Variants in ATP5F1C observed in about 807,000 individuals in gnomAD.
ATP5F1C encodes the protein ATP synthase F1 subunit gamma, also known as ATP synthase F(1) complex subunit gamma, mitochondrial.
ATP5F1C carries 22 observed loss-of-function variants against 37.4 expected under a neutral mutation model. That is an observed-to-expected ratio of 0.59 (90% CI 0.42 to 0.84). The LOEUF (loss-of-function observed/expected upper bound fraction) is 0.84. ATP5F1C is among the 40% of genes least tolerant of loss of function. The pLI is 0.00. For missense variants in ATP5F1C, 286 were observed against 362.4 expected (o/e 0.79, Z 1.71); for synonymous variants, 121 against 128.0 (o/e 0.95, Z 0.37).
rs1469800527 is a variant in ATP5F1C, at chr10:7,788,273, C to T, written c.56+10C>T. ...CCTTGCAGCCGCAATGGTATGGCAG[C>T]TTGCGGGAAGATCGGCAGGACCGCA... is the stretch of plus-strand genomic sequence containing the variant. On this transcript the variant is annotated intron_variant, in intron 1 of 9. Coordinates refer to ENST00000356708, the MANE Select transcript of ATP5F1C (RefSeq NM_001001973.3). The T allele has an allele frequency of 3.7e-6, 6 of 1,612,818 alleles. No individual in the cohort carries two copies. The South Asian group carries it at 6.6e-5, about 18-fold the overall frequency.
At chr10:7,799,364 G>T (rs1423628545) in intron 4 of ATP5F1C, 170 bp downstream of exon 4, 19 of 624,864 alleles carry the variant, frequency 3.0e-5, no homozygotes, top group African/African-American at 3.7e-5. Flanking sequence ...TTTTTTCCAG[G>T]ATATATTGGA....
At chr10:7,805,687 C>T (rs1412719636) in intron 8 of ATP5F1C, among the ~76,000 whole-genome samples, 4 of 133,490 alleles carry the variant, frequency 3.0e-5, no homozygotes, top group South Asian at 2.3e-4. Flanking sequence ...GCGGAGCTTG[C>T]AGTGAGCCGA....
intron 9 of ATP5F1C, 138 bp from the exon 10 acceptor site, chr10:7,807,521 A>G: frequency 1.0e-6 from 1 of 991,714 alleles, no homozygotes; most frequent in South Asian, 2.6e-5. Context: ...AAATTTTAGA[A>G]TCACTGGTAT....
At chr10:7,792,542 C>T (rs1836179185) in intron 1 of ATP5F1C, among the ~76,000 whole-genome samples, 1 of 152,224 alleles carries the variant, frequency 6.6e-6, no homozygotes. Flanking sequence ...CTGACAACCA[C>T]TTCTCTCAAC....
intron 1 of ATP5F1C, among the ~76,000 whole-genome samples, chr10:7,795,402 CA>C (rs1243189736): frequency 5.3e-5 from 8 of 152,130 alleles, no homozygotes; most frequent in Admixed American, 2.0e-4. Context: ...TGTCTTCCCC[CA>C]TTAGGCCAGG....
intron 7 of ATP5F1C, 125 bp downstream of exon 7, chr10:7,802,550 G>T: frequency 1.6e-6 from 2 of 1,236,496 alleles, no homozygotes; most frequent in Non-Finnish European, 2.3e-6. Context: ...GTACCTGTAA[G>T]AAAGTATATC....
intron 7 of ATP5F1C, 138 bp downstream of exon 7, chr10:7,802,563 G>A: frequency 8.6e-7 from 1 of 1,158,848 alleles, no homozygotes; most frequent in African/African-American, 1.6e-5. Flanking sequence ...AGTATATCTT[G>A]ATAGGTAGTT....
At chr10:7,799,659 C>T (rs987359820) in intron 4 of ATP5F1C, 113 bp from the exon 5 acceptor site, 3 of 1,240,886 alleles carry the variant, frequency 2.4e-6, no homozygotes, top group Non-Finnish European at 3.4e-6. Context: ...CACCACCACC[C>T]ATACCCCAAA....
At chr10:7,795,906 C>G (rs1836229786) in intron 1 of ATP5F1C, among the ~76,000 whole-genome samples, 1 of 152,170 alleles carries the variant, frequency 6.6e-6, no homozygotes, top group African/African-American at 2.4e-5. Context: ...GTGGTACAGA[C>G]AGGCCAAATA....
Position 7,807,707 on chromosome 10 carries a change from G to A in ATP5F1C, c.*79G>A. Reference sequence around the variant, plus strand: ...TTGATTTTGTTTTTAGCTTACTGCTGCCTTTGTCCGAAGAAACTGTTCCTC... The same window carrying A: ...TTGATTTTGTTTTTAGCTTACTGCTACCTTTGTCCGAAGAAACTGTTCCTC... On this transcript the variant is annotated 3_prime_UTR_variant, in exon 10 of 10. Transcript: ENST00000356708. 1 of 1,595,422 alleles carries A rather than the reference G, an allele frequency of 6.3e-7. No individual in the cohort carries two copies. The highest frequency in any genetic ancestry group is 8.6e-7 in the Non-Finnish European group (1 of 1,169,192).
At position 7,796,143 on chromosome 10, in the gene ATP5F1C, A is replaced by G. The variant is rs199602842; in HGVS notation, c.79A>G (p.Thr27Ala). Residue 27 changes from threonine (T) to alanine (A), a missense_variant, in exon 2 of 10, where the codon ACT becomes GCT. By Grantham distance (58) the Thr-to-Ala change is moderately conservative. Coordinates refer to ENST00000356708, the MANE Select transcript of ATP5F1C (RefSeq NM_001001973.3). ...CAGGATTCAAGTTCGAAATATGGCA[A>G]CTTTGAAAGATAGTAAGTATGTTGT... The part of the protein sequence containing the change: ...PQWIQVRNMA[T>A]LKDITRRLKS... 1.9e-5 allele frequency: 30 copies of G among 1,588,172 alleles called. No individual in the cohort carries two copies. In the East Asian group the frequency reaches 5.4e-4, roughly 29 times the overall value.
At chr10:7,804,745 C>T (rs1453752272) in intron 8 of ATP5F1C, among the ~76,000 whole-genome samples, 1 of 152,184 alleles carries the variant, frequency 6.6e-6, no homozygotes, top group Non-Finnish European at 1.5e-5. Flanking sequence ...GTACATACCT[C>T]CTTCGTGAAT....
chr10:7,796,587 C>CTT (rs144682242), intron 2 of ATP5F1C: 13,113 of 144,656 alleles, frequency 0.091, 779 homozygotes, highest in Middle Eastern at 0.11. Flanking sequence ...AGTACTATTT[C>CTT]TATTTTTTTT....
chr10:7,806,333 C>T (rs554218155), intron 8 of ATP5F1C, among the ~76,000 whole-genome samples: 62 of 152,276 alleles, frequency 4.1e-4, no homozygotes, highest in African/African-American at 1.4e-3. Context: ...CCATAGTATT[C>T]GAGGTCCAAG....
chr10:7,788,897 G>C (rs1836105615), intron 1 of ATP5F1C, among the ~76,000 whole-genome samples: 1 of 151,746 alleles, frequency 6.6e-6, no homozygotes, highest in Admixed American at 6.6e-5. Context: ...GGGAAGGGAA[G>C]GACACCTAGC....
At chr10:7,798,951 T>C (rs769602799) in intron 3 of ATP5F1C, 39 bp from the exon 4 acceptor site, 1 of 1,547,916 alleles carries the variant, frequency 6.5e-7, no homozygotes, top group South Asian at 1.1e-5. Context: ...ATTTAGTGTA[T>C]TGCATATAAA....
In ATP5F1C at chr10:7,788,239, C is replaced by T. The variant is rs781316226; in HGVS notation, c.32C>T (p.Ser11Leu). Residue 11 changes from serine to leucine, a missense_variant, in exon 1 of 10, where the codon TCG (serine) becomes TTG (leucine). By Grantham distance (145) the Ser-to-Leu change is moderately radical. Coordinates refer to ENST00000356708, the MANE Select transcript of ATP5F1C (RefSeq NM_001001973.3). The part of the protein sequence containing the change: MFSRAGVAGL[S>L]AWTLQPQWIQ... Reference sequence around the variant, plus strand: ...TCTCGCGCGGGTGTCGCTGGGCTGTCGGCCTGGACCTTGCAGCCGCAATGG... The same window carrying T: ...TCTCGCGCGGGTGTCGCTGGGCTGTTGGCCTGGACCTTGCAGCCGCAATGG... 11 of 1,613,454 alleles carry T rather than the reference C, an allele frequency of 6.8e-6. No homozygotes were observed. The highest frequency in any genetic ancestry group is 2.2e-5 in the East Asian group (1 of 44,888).
chr10:7,799,700 C>T (rs536706688), intron 4 of ATP5F1C, 72 bp from the exon 5 acceptor site: 1 of 1,555,264 alleles, frequency 6.4e-7, no homozygotes. Context: ...ATGTTTTCTC[C>T]TGCCTGTCCC....
chr10:7,799,642 A>G, intron 4 of ATP5F1C, 130 bp from the exon 5 acceptor site: 1 of 1,016,140 alleles, frequency 9.8e-7, no homozygotes. Context: ...GGAACAACTC[A>G]GGAAATCACC....
Sources: allele counts gnomAD v4.1 joint callset (sites outside exome capture counted in the v4.1 genomes callset), GRCh38; gene constraint gnomAD v4.1.1; transcripts MANE v1.5; gene names NCBI Gene and HGNC (gene_info 2026-07-23, HGNC 2026-07-21).